The following CPSF6 variants were observed in gnomAD, a reference collection of about 807,000 sequenced individuals.
CPSF6 encodes cleavage and polyadenylation specific factor 6, also known as cleavage and polyadenylation specificity factor subunit 6.
In CPSF6, 10 loss-of-function variants were observed where a neutral mutation model predicts 56.7. That is an observed-to-expected ratio of 0.18 (90% CI 0.11 to 0.30). CPSF6 has a LOEUF of 0.30. Among genes scored for constraint, CPSF6 ranks in the 10% least tolerant of loss-of-function variants. The probability of loss-of-function intolerance (pLI) is 1.00; values close to 1 mark genes in which losing one functional copy is unlikely to be tolerated. For synonymous variants in CPSF6, 248 were observed against 244.8 expected, an observed-to-expected ratio of 1.01 and a Z score of -0.12; for missense variants, 419 against 722.9, an observed-to-expected ratio of 0.58 and a Z score of 4.82.
chr12:69,267,978 C>T (rs1873072850), intron 9 of CPSF6, among the ~76,000 whole-genome samples: 1 of 151,716 alleles, frequency 6.6e-6, no homozygotes, highest in African/African-American at 2.4e-5. Context: ...TTTGCTATGA[C>T]TTTAAATAGT....
At chr12:69,253,225 A>G (rs1213265663) in intron 3 of CPSF6, 71 bp downstream of exon 3, 3 of 794,516 alleles carry the variant, frequency 3.8e-6, no homozygotes, top group African/African-American at 1.8e-5. Context: ...ACTTTCCTTT[A>G]AGTTAATGTT....
rs911073900 is a variant in CPSF6, at chr12:69,251,451, A to G, written c.270+113A>G. On this transcript the variant is annotated intron_variant, in intron 2 of 9. Coordinates refer to ENST00000435070, the MANE Select transcript of CPSF6 (RefSeq NM_007007.3). ...GTTTGAAGTTACTGTGTTTTTCTAT[A>G]TGTGTTTGCTTGTCCAATGAGGAGG... 5 of 694,746 alleles carry G rather than the reference A, an allele frequency of 7.2e-6. No homozygotes were observed. The African/African-American group carries it at 9.1e-5, about 13-fold the overall frequency. 43.0% of individuals were successfully genotyped at this position (694,746 alleles called of 1,614,324 possible).
At chr12:69,246,829 T>C (rs1262835064) in intron 1 of CPSF6, among the ~76,000 whole-genome samples, 1 of 152,290 alleles carries the variant, frequency 6.6e-6, no homozygotes, top group Non-Finnish European at 1.5e-5. Context: ...TTTGTATGTA[T>C]TTATGTATTT....
At chr12:69,255,067 C>T (rs1016918421) in intron 3 of CPSF6, 3 of 152,226 alleles carry the variant, frequency 2.0e-5, no homozygotes. Flanking sequence ...TCCTCTCTTC[C>T]TATCTGCTGG....
chr12:69,258,237 C>A lies in CPSF6; in HGVS notation c.694+332C>A. Reference sequence around the variant, plus strand: ...CCTCTTAAAAAAATCCTTTCAAGATCATTTTTCCTTGTTTCACTTTCTAGC... The same window carrying A: ...CCTCTTAAAAAAATCCTTTCAAGATAATTTTTCCTTGTTTCACTTTCTAGC... On this transcript the variant is annotated intron_variant, in intron 5 of 9. Coordinates refer to ENST00000435070, the MANE Select transcript of CPSF6 (RefSeq NM_007007.3). The surrounding 1 kb of genome is among the most constrained non-coding windows in gnomAD (Gnocchi z 4.2). 1.3e-6 allele frequency: 1 copy of A among 782,000 alleles called. No homozygotes were observed. Among genetic ancestry groups the A allele is most frequent in the Non-Finnish European group, 2.0e-6 (1 of 494,236 alleles). 48.4% of individuals were successfully genotyped at this position (782,000 alleles called of 1,614,324 possible). A position where few individuals can be genotyped will look rare whatever the true frequency, so the allele number is the denominator to read the frequency against.
chr12:69,264,662 T>G (rs909636263), intron 9 of CPSF6, among the ~76,000 whole-genome samples: 2 of 152,150 alleles, frequency 1.3e-5, no homozygotes, highest in Non-Finnish European at 2.9e-5. Context: ...CAAGAAAAAT[T>G]TTACATAAGC....
Position 69,257,760 on chromosome 12 carries a change from A to G in CPSF6, c.549A>G (p.Glu183=). The change falls in exon 5 of 10, where the codon GAA becomes GAG. Residue 183 remains glutamate (E), a synonymous_variant. Transcript: ENST00000435070. ...KTTQSGQMSG[E]GKAGPPGGSS... is the part of the protein sequence containing the mutation. ...CACAATCAGGACAAATGTCTGGGGA[A>G]GGTAAAGCTGGTCCTCCAGGAGGCA... The G allele has an allele frequency of 6.2e-7, 1 of 1,612,290 alleles. No homozygotes were observed. The highest frequency in any genetic ancestry group is 8.5e-7 in the Non-Finnish European group (1 of 1,179,630).
intron 1 of CPSF6, among the ~76,000 whole-genome samples, chr12:69,250,240 A>G (rs1394260054): frequency 2.0e-5 from 3 of 150,558 alleles, no homozygotes; most frequent in Admixed American, 6.6e-5. Flanking sequence ...AATAATAACT[A>G]TTTTTCTGTG....
At chr12:69,253,616 C>T (rs186534886) in intron 3 of CPSF6, among the ~76,000 whole-genome samples, 6 of 152,032 alleles carry the variant, frequency 3.9e-5, no homozygotes, top group Non-Finnish European at 5.9e-5. Flanking sequence ...ATACCACTGT[C>T]CTACCATTCA....
In CPSF6 at chr12:69,256,841, A is replaced by G; in HGVS notation, c.519A>G (p.Lys173=). Residue 173 remains lysine, a splice_region_variant and synonymous_variant, in exon 4 of 10, where the codon AAA becomes AAG. Transcript: ENST00000435070. ...GTCAATTTGAAATGCAGTCCAGGAAAAGTAAGCAGTCCTCAGAGGCTTTTA... is the reference window on the plus strand; with the variant it reads ...GTCAATTTGAAATGCAGTCCAGGAAGAGTAAGCAGTCCTCAGAGGCTTTTA... ...FLSQFEMQSR[K]TTQSGQMSGE... 6.2e-7 allele frequency: 1 copy of G among 1,605,050 alleles called. No homozygotes were observed.
At position 69,273,527 on chromosome 12, in the gene CPSF6, T is replaced by C. The variant is rs1444258497; in HGVS notation, c.*4019T>C. ...TTCACGTGGGAGTATCCTAAAACTC[T>C]GCCATGGGTGTAAATGTTTTACATT... On this transcript the variant is annotated 3_prime_UTR_variant, in exon 10 of 10. Transcript: ENST00000435070. 6.5e-6 allele frequency: 1 copy of C among 153,642 alleles called. No homozygotes were observed. The highest frequency in any genetic ancestry group is 1.5e-5 in the Non-Finnish European group (1 of 68,850). The allele number at this position is 153,642 out of a possible 1,614,324, so 9.5% of individuals were successfully genotyped here. A position where few individuals can be genotyped will look rare whatever the true frequency, so the allele number is the denominator to read the frequency against.
In CPSF6 at chr12:69,239,577, CGCT is replaced by C. The variant is rs906413382; in HGVS notation, c.-61_-59del. ...AGCGCCCCCCCACCGCCGCTAGATC[CGCT>C]GCTGCTGCCGCGGCGGGCAGACCTG... is the stretch of plus-strand genomic sequence containing the variant. On this transcript the variant is annotated 5_prime_UTR_variant, in exon 1 of 10. Coordinates refer to ENST00000435070, the MANE Select transcript of CPSF6 (RefSeq NM_007007.3). 3 of 1,512,166 alleles carry C rather than the reference CGCT, an allele frequency of 2.0e-6. No homozygotes were observed. Among genetic ancestry groups the C allele is most frequent in the East Asian group, 2.8e-5 (1 of 36,122 alleles). 93.7% of individuals were successfully genotyped at this position (1,512,166 alleles called of 1,614,324 possible).
intron 6 of CPSF6, 92 bp from the exon 7 acceptor site, chr12:69,259,336 C>G: frequency 6.9e-7 from 1 of 1,453,808 alleles, no homozygotes; most frequent in Non-Finnish European, 9.3e-7. Flanking sequence ...AAGCACATGT[C>G]AGAAGCAGCT....
Position 69,272,795 on chromosome 12 carries a change from A to ATAT in CPSF6, c.*3290_*3292dup, listed in dbSNP as rs1193272306. On this transcript the variant is annotated 3_prime_UTR_variant, in exon 10 of 10. Transcript: ENST00000435070. The stretch of plus-strand genomic sequence containing the variant: ...ACGTAAATGCACGCTTATCCAGTGT[A>ATAT]TATTAGACATTTTTGTGCTAAAATA... 6.2e-6 allele frequency: 1 copy of ATAT among 161,908 alleles called. No individual in the cohort carries two copies. Among genetic ancestry groups the ATAT allele is most frequent in the African/African-American group, 2.4e-5 (1 of 41,430 alleles). The allele number at this position is 161,908 out of a possible 1,614,324, so 10.0% of individuals were successfully genotyped here.
chr12:69,249,274 A>T (rs898678352), intron 1 of CPSF6, among the ~76,000 whole-genome samples: 11 of 149,626 alleles, frequency 7.4e-5, no homozygotes, highest in Non-Finnish European at 1.2e-4. Flanking sequence ...CCGTCTCAAA[A>T]AAATAAATAA....
At chr12:69,253,948 A>G (rs890195415) in intron 3 of CPSF6, among the ~76,000 whole-genome samples, 3 of 152,168 alleles carry the variant, frequency 2.0e-5, no homozygotes, top group South Asian at 4.1e-4. Context: ...TAGATGCACA[A>G]TGATAAAGAA....
Position 69,259,064 on chromosome 12 carries a change from A to G in CPSF6, c.1169A>G (p.Tyr390Cys). ...PTDPYGRPPP[Y>C]DRGDYGPPGR... ...GATCCATATGGGCGACCTCCACCATATGATAGGGGTGACTATGGCCCCCCT... is the reference window on the plus strand; with the variant it reads ...GATCCATATGGGCGACCTCCACCATGTGATAGGGGTGACTATGGCCCCCCT... Residue 390 changes from tyrosine (Y) to cysteine (C), a missense_variant, in exon 6 of 10, where the codon TAT (tyrosine) becomes TGT (cysteine). Around this residue, in one of 4 missense-constraint regions of CPSF6, gnomAD observed 211 missense variants for 296.0 expected, o/e 0.71. Transcript: ENST00000435070. The G allele has an allele frequency of 1.9e-6, 3 of 1,603,026 alleles. No individual in the cohort carries two copies. The highest frequency in any genetic ancestry group is 2.5e-6 in the Non-Finnish European group (3 of 1,179,748).
At chr12:69,252,230 T>C (rs607797) in intron 2 of CPSF6, 266,198 of 360,502 alleles carry the variant, frequency 0.74, 99,436 homozygotes, top group African/African-American at 0.9. Flanking sequence ...TGTGTCACTC[T>C]GCCTGGCTAA....
intron 1 of CPSF6, among the ~76,000 whole-genome samples, chr12:69,248,535 C>T (rs10878946): frequency 0.76 from 115,614 of 152,164 alleles, 44,577 homozygotes; most frequent in African/African-American, 0.9. Flanking sequence ...AAGCTTCAGC[C>T]ACACTGAAAC....
Sources: gnomAD v4.1 joint callset for allele counts (sites outside exome capture counted in the v4.1 genomes callset) on GRCh38, gnomAD v4.1.1 for gene constraint, gnomAD v4.1.1 regional missense constraint, Gnocchi (gnomAD v3.1) non-coding constraint, MANE v1.5 for transcripts, NCBI Gene and HGNC (gene_info 2026-07-23, HGNC 2026-07-21) for gene names.